CRLF3: variants seen among roughly 807,000 people sequenced by gnomAD.
CRLF3 encodes cytokine receptor like factor 3, also known as cytokine receptor-like factor 3.
A neutral mutation model predicts 55.0 loss-of-function variants in CRLF3; 33 were observed. The observed-to-expected ratio is 0.60, with a 90% CI of 0.46 to 0.80. CRLF3 has a LOEUF of 0.80. Among genes scored for constraint, CRLF3 ranks in the 30% least tolerant of loss-of-function variants. The pLI, the probability that CRLF3 is intolerant of heterozygous loss-of-function variation, is 0.00. For missense variants in CRLF3, 494 were observed against 538.4 expected (o/e 0.92, Z 0.82); for synonymous variants, 238 against 196.8 (o/e 1.21, Z -1.75).
At position 30,784,289 on chromosome 17, in the gene CRLF3, A is replaced by G. The variant is rs1971581821; in HGVS notation, c.1227T>C (p.Asn409=). Residue 409 remains asparagine, a synonymous_variant, in exon 8 of 8, where the codon AAT becomes AAC. Coordinates refer to ENST00000324238, the MANE Select transcript of CRLF3 (RefSeq NM_015986.4). ...HFKLRVTISS[N]NREVVFDWLL... ...ACCAGTCAAAAACCACTTCTCTATT[A>G]TTTGAACTTATAGTTACTCGAAGCT... The G allele has an allele frequency of 1.2e-6, 2 of 1,614,090 alleles. No individual in the cohort carries two copies. The highest frequency in any genetic ancestry group is 1.3e-5 in the African/African-American group (1 of 75,042).
intron 2 of CRLF3, among the ~76,000 whole-genome samples, chr17:30,802,828 A>G (rs572686396): frequency 1.3e-5 from 2 of 152,300 alleles, no homozygotes; most frequent in African/African-American, 4.8e-5. Flanking sequence ...ATTGGCAAAG[A>G]TAGGAGTAAA....
intron 7 of CRLF3, chr17:30,784,714 C>A (rs548171325): frequency 6.2e-6 from 2 of 323,542 alleles, no homozygotes; most frequent in South Asian, 6.0e-5. Context: ...ATGGAATAAA[C>A]AAGAAAGAAT....
At chr17:30,793,145 T>A (rs368322568) in intron 5 of CRLF3, among the ~76,000 whole-genome samples, 1 of 151,352 alleles carries the variant, frequency 6.6e-6, no homozygotes, top group Non-Finnish European at 1.5e-5. Flanking sequence ...TCAAAAAAAC[T>A]AACTAAATAA....
chr17:30,824,662 G>A lies in CRLF3; in HGVS notation c.-11C>T, dbSNP rs773197039. ...CATCGCCCCCCTCATCTGGCCGCGC[G>A]GCCGGCGAAACCTAGCGCGGGTTCC... On this transcript the variant is annotated 5_prime_UTR_variant, in exon 1 of 8. Transcript: ENST00000324238. 6.3e-6 allele frequency: 10 copies of A among 1,586,172 alleles called. No homozygotes were observed. The East Asian group carries it at 7.0e-5, about 11-fold the overall frequency.
chr17:30,824,006 T>C (rs56325146), intron 1 of CRLF3, among the ~76,000 whole-genome samples: 19,629 of 152,102 alleles, frequency 0.13, 1,331 homozygotes, highest in South Asian at 0.25. Context: ...CCGCATTTAT[T>C]GTCAAATGCT....
In CRLF3 at chr17:30,784,401, GGTAACTGATTT is replaced by G; in HGVS notation, c.1104_1114del (p.Asn369ArgfsTer11). The G allele has an allele frequency of 6.2e-7, 1 of 1,613,574 alleles. No individual in the cohort carries two copies. Among genetic ancestry groups the G allele is most frequent in the Non-Finnish European group, 8.5e-7 (1 of 1,179,542 alleles). ...GACAGTGGACCCAGAAGTAACTGCG[GGTAACTGATTT>G]GTCATTTCTTTTCCATTGACAAAAA... On this transcript the variant is annotated frameshift_variant, in exon 8 of 8. Transcript: ENST00000324238. LOFTEE classifies it high-confidence loss of function.
chr17:30,784,263 A>G lies in CRLF3; in HGVS notation c.1253T>C (p.Leu418Ser). Residue 418 changes from leucine to serine, a missense_variant, in exon 8 of 8, where the codon TTA (leucine) becomes TCA (serine). Transcript: ENST00000324238. ...AAGAGAACCACAAGACTGATCAAGT[A>G]ACCAGTCAAAAACCACTTCTCTATT... is the stretch of plus-strand genomic sequence containing the variant. ...SNNREVVFDW[L>S]LDQSCGSLYF... 1 of 1,613,536 alleles carries G rather than the reference A, an allele frequency of 6.2e-7. No homozygotes were observed. Among genetic ancestry groups the G allele is most frequent in the South Asian group, 1.1e-5 (1 of 91,076 alleles).
At position 30,824,641 on chromosome 17, in the gene CRLF3, GC is replaced by G. The variant is rs753676460; in HGVS notation, c.10del (p.Ala4ArgfsTer59). 189 of 1,596,438 alleles carry G rather than the reference GC, an allele frequency of 1.2e-4. No individual in the cohort carries two copies. Among genetic ancestry groups the G allele is most frequent in the Non-Finnish European group, 1.1e-4 (128 of 1,176,060 alleles). ...CAGCAGCTCAGGCTCCAGCTCCATCGCCCCCCTCATCTGGCCGCGCGGCCGG... is the reference window on the plus strand; with the variant it reads ...CAGCAGCTCAGGCTCCAGCTCCATCGCCCCCTCATCTGGCCGCGCGGCCGG... MRGAMELEPELLLQ... is the reference protein window; with the variant it reads MRGXMELEPELLLQ... On this transcript the variant is annotated frameshift_variant, in exon 1 of 8. Transcript: ENST00000324238. LOFTEE classifies it high-confidence loss of function.
rs774812659 is a variant in CRLF3, at chr17:30,785,948, C to T, written c.1043G>A (p.Arg348Gln). 8.7e-6 allele frequency: 14 copies of T among 1,608,490 alleles called. No homozygotes were observed. Among genetic ancestry groups the T allele is most frequent in the East Asian group, 2.2e-5 (1 of 44,872 alleles). The change falls in exon 7 of 8, where the codon CGG (arginine) becomes CAG (glutamine). Residue 348 changes from arginine to glutamine, a missense_variant. Transcript: ENST00000324238. ...TGTACTAATGCACACAGCTTGATCC[C>T]GCTGCAGAGAGTCATATCCATCCTG... ...EKQDGYDSLQ[R>Q]DQAVCISTNG...
In CRLF3 at chr17:30,784,284, C is replaced by T; in HGVS notation, c.1232G>A (p.Arg411Lys). ...KLRVTISSNN[R>K]EVVFDWLLDQ... ...AAGTAACCAGTCAAAAACCACTTCT[C>T]TATTATTTGAACTTATAGTTACTCG... Residue 411 changes from arginine to lysine, a missense_variant, in exon 8 of 8, where the codon AGA becomes AAA. Transcript: ENST00000324238. The T allele has an allele frequency of 6.2e-7, 1 of 1,614,008 alleles. No homozygotes were observed. The highest frequency in any genetic ancestry group is 8.5e-7 in the Non-Finnish European group (1 of 1,179,916).
chr17:30,808,976 G>A (rs556924370), intron 1 of CRLF3, among the ~76,000 whole-genome samples: 3 of 152,318 alleles, frequency 2.0e-5, no homozygotes, highest in East Asian at 1.9e-4. Flanking sequence ...GTGTCAGAAC[G>A]CTGTAATACA....
In CRLF3 at chr17:30,796,184, T is replaced by C. The variant is rs2142255624; in HGVS notation, c.579A>G (p.Gly193=). Residue 193 remains glycine (G), a synonymous_variant, in exon 4 of 8, where the codon GGA becomes GGG. Coordinates refer to ENST00000324238, the MANE Select transcript of CRLF3 (RefSeq NM_015986.4). ...VQIEELIEKP[G]GIIVRWCKVD... ...CCTTACACCATCGTACAATGATGCC[T>C]CCAGGTTTCTCTATTAGTTCTTCTA... 2.5e-6 allele frequency: 4 copies of C among 1,613,190 alleles called. No individual in the cohort carries two copies. The highest frequency in any genetic ancestry group is 2.5e-6 in the Non-Finnish European group (3 of 1,179,424).
intron 6 of CRLF3, chr17:30,787,432 A>G (rs1250935621): frequency 6.6e-6 from 1 of 152,226 alleles, no homozygotes; most frequent in East Asian, 1.9e-4. Flanking sequence ...TTGTGTTTTC[A>G]TTTCAGATGT....
intron 4 of CRLF3, among the ~76,000 whole-genome samples, chr17:30,795,385 A>G (rs900858128): frequency 6.6e-6 from 1 of 152,108 alleles, no homozygotes; most frequent in South Asian, 2.1e-4. Context: ...AATCCCAGCT[A>G]CTTGGGAGGC....
chr17:30,822,863 C>T (rs55872374), intron 1 of CRLF3, among the ~76,000 whole-genome samples: 63,152 of 151,928 alleles, frequency 0.42, 15,867 homozygotes, highest in African/African-American at 0.72. Flanking sequence ...TCTTTCTTTT[C>T]ATACAATGTC....
chr17:30,790,059 G>A (rs962362828), intron 6 of CRLF3, among the ~76,000 whole-genome samples: 3 of 151,976 alleles, frequency 2.0e-5, no homozygotes, highest in African/African-American at 7.3e-5. Flanking sequence ...CTTCATTAAG[G>A]GGTGAGGTGT....
intron 2 of CRLF3, among the ~76,000 whole-genome samples, chr17:30,797,753 G>A (rs1416412717): frequency 6.6e-6 from 1 of 150,754 alleles, no homozygotes; most frequent in Non-Finnish European, 1.5e-5. Context: ...ATTGCCCTGA[G>A]AGGTGCAACA....
chr17:30,824,514 CCCTCCGACCTG>C lies in CRLF3; in HGVS notation c.127_129+8del. On this transcript the variant is annotated splice_donor_variant and splice_donor_5th_base_variant and coding_sequence_variant and intron_variant, in exon 1 of 8. Coordinates refer to ENST00000324238, the MANE Select transcript of CRLF3 (RefSeq NM_015986.4). LOFTEE classifies it high-confidence loss of function. ...GCCCACAGCGCCCCTGTGGGTGTGG[CCCTCCGACCTG>C]CCTCCGCGCCTCACGCAGCCCCTCA... The C allele has an allele frequency of 3.2e-6, 5 of 1,582,922 alleles. No homozygotes were observed. Among genetic ancestry groups the C allele is most frequent in the Non-Finnish European group, 4.3e-6 (5 of 1,170,520 alleles).
At chr17:30,784,637 A>G (rs1255078752) in intron 7 of CRLF3, 194 bp from the exon 8 acceptor site, 9 of 495,356 alleles carry the variant, frequency 1.8e-5, no homozygotes, top group Non-Finnish European at 3.2e-5. Flanking sequence ...TTCCCATATC[A>G]GTGTCATCAA....
Sources: allele counts gnomAD v4.1 joint callset (sites outside exome capture counted in the v4.1 genomes callset), GRCh38; gene constraint gnomAD v4.1.1; transcripts MANE v1.5; gene names NCBI Gene and HGNC (gene_info 2026-07-23, HGNC 2026-07-21).